Variants in ADAMTSL1 observed in about 807,000 individuals in gnomAD.
ADAMTSL1 encodes ADAMTS like 1, also known as ADAMTS-like protein 1.
A neutral mutation model predicts 201.8 loss-of-function variants in ADAMTSL1; 126 were observed. The observed-to-expected ratio is 0.62, with a 90% confidence interval of 0.54 to 0.72. ADAMTSL1 has a LOEUF of 0.72. Ranked by LOEUF, ADAMTSL1 falls within the 30% of genes least tolerant of loss-of-function variation. ADAMTSL1 has a pLI of 0.00. For synonymous variants in ADAMTSL1, 1,121 were observed against 903.4 expected (o/e 1.24, Z -4.32); for missense variants, 2,679 against 2,277.8 (o/e 1.18, Z -3.59).
At chr9:18,424,575 A>G (rs775570292) in intron 2 of ADAMTSL1, among the ~76,000 whole-genome samples, 3 of 152,226 alleles carry the variant, frequency 2.0e-5, no homozygotes, top group Admixed American at 6.5e-5. Flanking sequence ...CCAAAGTTAG[A>G]AAAATGCAAG....
intron 5 of ADAMTSL1, among the ~76,000 whole-genome samples, chr9:18,632,393 T>C (rs1587748343): frequency 6.6e-6 from 1 of 152,228 alleles, no homozygotes; most frequent in Non-Finnish European, 1.5e-5. Flanking sequence ...ATATATCAGC[T>C]GATTTTAACA....
At chr9:17,991,868 G>T (rs1320846972) in intron 1 of ADAMTSL1, among the ~76,000 whole-genome samples, 3 of 152,116 alleles carry the variant, frequency 2.0e-5, no homozygotes. Flanking sequence ...CCTCGGGGGT[G>T]CTTCCTTGGG....
intron 2 of ADAMTSL1, among the ~76,000 whole-genome samples, chr9:18,286,276 TTTAAAC>T (rs1275357113): frequency 6.6e-6 from 1 of 152,162 alleles, no homozygotes; most frequent in Non-Finnish European, 1.5e-5. Context: ...TCTAAGCACA[TTTAAAC>T]TTAGAAAAGT....
At position 18,089,403 on chromosome 9, in the gene ADAMTSL1, G is replaced by A. The variant is rs139302422; in HGVS notation, c.88-74459G>A. Among the ~76,000 whole-genome samples the A allele has an allele frequency of 3.9e-3, 586 of 151,532 alleles. 4 individuals carry two copies. Among genetic ancestry groups the A allele is most frequent in the Non-Finnish European group, 6.6e-3 (447 of 67,906 alleles). On this transcript the variant is annotated intron_variant, in intron 1 of 29. Transcript: ENST00000680146. ...CACTGCATATTCTCATTCATAAGTG[G>A]GAGTTGAACAATGAGAACACATGGA...
chr9:18,430,598 T>A (rs1362622553), intron 2 of ADAMTSL1, among the ~76,000 whole-genome samples: 3 of 152,184 alleles, frequency 2.0e-5, no homozygotes, highest in Non-Finnish European at 4.4e-5. Flanking sequence ...TGGGATCTCA[T>A]CCCAAACTGC....
chr9:18,865,046 T>C (rs1563870044), intron 23 of ADAMTSL1, among the ~76,000 whole-genome samples: 1 of 152,208 alleles, frequency 6.6e-6, no homozygotes, highest in Non-Finnish European at 1.5e-5. Flanking sequence ...TCCAGTCTCT[T>C]TTTTTAATTA....
At chr9:18,087,417 T>C (rs866343485) in intron 1 of ADAMTSL1, among the ~76,000 whole-genome samples, 121 of 152,242 alleles carry the variant, frequency 7.9e-4, no homozygotes, top group African/African-American at 2.7e-3. Flanking sequence ...TAATGAGGAA[T>C]TCTCCTAGGT....
chr9:18,678,619 G>A (rs751007818), intron 10 of ADAMTSL1, among the ~76,000 whole-genome samples: 7 of 152,100 alleles, frequency 4.6e-5, no homozygotes, highest in Admixed American at 4.6e-4. Flanking sequence ...TCTCCCTTTA[G>A]TAGGGTCAAG....
chr9:18,286,086 C>G (rs867960911), intron 2 of ADAMTSL1, among the ~76,000 whole-genome samples: 26 of 152,124 alleles, frequency 1.7e-4, no homozygotes, highest in Middle Eastern at 3.4e-3. Context: ...TTGCTAAGTA[C>G]TGTTTAAATA....
At chr9:18,820,646 G>T (rs1170746774) in intron 21 of ADAMTSL1, among the ~76,000 whole-genome samples, 1 of 152,200 alleles carries the variant, frequency 6.6e-6, no homozygotes, top group Non-Finnish European at 1.5e-5. Flanking sequence ...TGTTTGAATT[G>T]TTAGCAGTTT....
intron 1 of ADAMTSL1, among the ~76,000 whole-genome samples, chr9:18,105,508 T>C (rs1195008794): frequency 1.3e-5 from 2 of 152,188 alleles, no homozygotes; most frequent in African/African-American, 4.8e-5. Flanking sequence ...CCTTATTTTA[T>C]AAGATACCAT....
chr9:18,811,043 C>G (rs1554640394), intron 20 of ADAMTSL1, among the ~76,000 whole-genome samples: 2 of 129,674 alleles, frequency 1.5e-5, no homozygotes, highest in East Asian at 5.0e-4. Flanking sequence ...AAACAAACAC[C>G]AGCTAGAAAC....
intron 1 of ADAMTSL1, among the ~76,000 whole-genome samples, chr9:17,938,734 G>T (rs1326126822): frequency 6.6e-6 from 1 of 152,110 alleles, no homozygotes; most frequent in Admixed American, 6.6e-5. Context: ...GGCTTACCTT[G>T]TCACAGAATC....
chr9:18,153,283 A>G (rs947635324), intron 1 of ADAMTSL1, among the ~76,000 whole-genome samples: 2 of 152,162 alleles, frequency 1.3e-5, no homozygotes, highest in Admixed American at 1.3e-4. Context: ...ATTTTAATCT[A>G]TACTCTGACC....
At position 18,748,365 on chromosome 9, in the gene ADAMTSL1, A is replaced by G. The variant is rs550713167; in HGVS notation, c.2007-4933A>G. 2.5e-4 allele frequency among the ~76,000 whole-genome samples: 38 copies of G among 152,274 alleles called. 2 individuals are homozygous for G. The highest frequency in any genetic ancestry group is 8.2e-4 in the African/African-American group (34 of 41,562). The stretch of plus-strand genomic sequence containing the variant: ...TCTTTCAGATTCCAAATTTTTTTGT[A>G]CTTTAGAAAGATGTTAGGATTACTA... On this transcript the variant is annotated intron_variant, in intron 15 of 28. Coordinates refer to ENST00000380548, the MANE Select transcript of ADAMTSL1 (RefSeq NM_001040272.6).
At chr9:18,624,132 C>A (rs567434877) in intron 5 of ADAMTSL1, among the ~76,000 whole-genome samples, 2 of 152,120 alleles carry the variant, frequency 1.3e-5, no homozygotes, top group East Asian at 3.9e-4. Flanking sequence ...GTTTAGGGAA[C>A]TCTGTACATT....
intron 1 of ADAMTSL1, among the ~76,000 whole-genome samples, chr9:18,483,272 A>T (rs1418387627): frequency 3.3e-5 from 5 of 152,214 alleles, no homozygotes; most frequent in Non-Finnish European, 2.9e-5. Flanking sequence ...ATTTAAAATA[A>T]ATGTCTGTAA....
intron 2 of ADAMTSL1, among the ~76,000 whole-genome samples, chr9:18,177,500 A>G (rs887688021): frequency 4.6e-5 from 7 of 152,182 alleles, no homozygotes; most frequent in African/African-American, 7.2e-5. Flanking sequence ...CTTATGTAAA[A>G]GAAACTTTCC....
chr9:18,627,578 T>C (rs1320959135), intron 5 of ADAMTSL1, among the ~76,000 whole-genome samples: 1 of 152,206 alleles, frequency 6.6e-6, no homozygotes, highest in Admixed American at 6.5e-5. Flanking sequence ...ATTTTGATTT[T>C]CCTGCTCCTG....
Sources: gnomAD v4.1 joint callset for allele counts (sites outside exome capture counted in the v4.1 genomes callset) on GRCh38, gnomAD v4.1.1 for gene constraint, MANE v1.5 for transcripts, NCBI Gene and HGNC (gene_info 2026-07-23, HGNC 2026-07-21) for gene names.